The following ZBTB20 variants were observed in gnomAD, a reference collection of about 807,000 sequenced individuals.
ZBTB20 encodes zinc finger and BTB domain containing 20.
In ZBTB20, 9 loss-of-function variants were observed where a neutral mutation model predicts 56.9. The ratio of observed to expected loss-of-function variants is 0.16; its 90% confidence interval spans 0.10 to 0.28. The LOEUF (loss-of-function observed/expected upper bound fraction) is 0.28, where lower values mean the gene tolerates loss of function less well. ZBTB20 is among the 10% of genes least tolerant of loss of function. The pLI is 1.00. For missense variants in ZBTB20, 655 were observed against 1,003.0 expected, an observed-to-expected ratio of 0.65 and a Z score of 4.69; for synonymous variants, 417 against 420.7, an observed-to-expected ratio of 0.99 and a Z score of 0.11.
At chr3:114,853,086 T>G (rs545420684) in intron 4 of ZBTB20, among the ~76,000 whole-genome samples, 1 of 152,334 alleles carries the variant, frequency 6.6e-6, no homozygotes, top group East Asian at 1.9e-4. Context: ...CAAAGGCTGG[T>G]GTGGTTTATC....
At chr3:114,659,658 T>C (rs1488577142) in intron 6 of ZBTB20, among the ~76,000 whole-genome samples, 2 of 152,212 alleles carry the variant, frequency 1.3e-5, no homozygotes. Flanking sequence ...CCCTGCATGC[T>C]GTTCAGGGGA....
intron 8 of ZBTB20, chr3:114,388,727 G>A (rs939630883): frequency 6.6e-6 from 1 of 152,382 alleles, no homozygotes; most frequent in Non-Finnish European, 1.5e-5. Context: ...TAGAGGCACA[G>A]ATGACCAAGC....
intron 2 of ZBTB20, among the ~76,000 whole-genome samples, chr3:115,019,202 C>A (rs2080103583): frequency 6.6e-6 from 1 of 151,240 alleles, no homozygotes. Flanking sequence ...CAGTTTAAAT[C>A]TGCCCTTCAT....
At chr3:114,341,772 G>C (rs2079788412) in intron 11 of ZBTB20, among the ~76,000 whole-genome samples, 2 of 152,164 alleles carry the variant, frequency 1.3e-5, no homozygotes, top group Non-Finnish European at 2.9e-5. Context: ...TTCATTTTCT[G>C]TATGTGAAGA....
intron 6 of ZBTB20, among the ~76,000 whole-genome samples, chr3:114,678,950 G>GT (rs1195593598): frequency 6.6e-6 from 1 of 152,118 alleles, no homozygotes; most frequent in African/African-American, 2.4e-5. Flanking sequence ...GATTATAATT[G>GT]TAACTGCCAT....
chr3:114,613,396 A>AT (rs1247225199), intron 6 of ZBTB20, among the ~76,000 whole-genome samples: 3 of 152,242 alleles, frequency 2.0e-5, no homozygotes, highest in South Asian at 4.2e-4. Flanking sequence ...TTGACCTTAC[A>AT]TTTTTTTATT....
chr3:114,480,309 T>C (rs1353749704), intron 7 of ZBTB20, among the ~76,000 whole-genome samples: 4 of 152,228 alleles, frequency 2.6e-5, no homozygotes, highest in East Asian at 1.9e-4. Flanking sequence ...GATGCTTTTT[T>C]TGAATTTGGA....
At chr3:114,699,447 T>C (rs906035876) in intron 5 of ZBTB20, among the ~76,000 whole-genome samples, 1 of 151,966 alleles carries the variant, frequency 6.6e-6, no homozygotes, top group Non-Finnish European at 1.5e-5. Context: ...AACAGTTTTT[T>C]TTTGGAAAAA....
At chr3:114,372,667 TACAA>T (rs1344719361) in intron 10 of ZBTB20, among the ~76,000 whole-genome samples, 5 of 151,256 alleles carry the variant, frequency 3.3e-5, no homozygotes, top group Non-Finnish European at 7.4e-5. Context: ...ACCTCTAAAA[TACAA>T]ACAAACAAAA....
intron 3 of ZBTB20, among the ~76,000 whole-genome samples, chr3:114,960,983 G>C (rs1432691538): frequency 2.0e-5 from 3 of 152,090 alleles, no homozygotes; most frequent in Non-Finnish European, 4.4e-5. Flanking sequence ...AGGTCCCAGT[G>C]AGAGTTAATT....
intron 10 of ZBTB20, among the ~76,000 whole-genome samples, chr3:114,376,966 G>A (rs554677165): frequency 1.3e-5 from 2 of 152,326 alleles, no homozygotes; most frequent in Admixed American, 6.5e-5. Context: ...TTCTGGTCGC[G>A]TCTATCACAT....
chr3:114,983,369 T>C (rs771543404), intron 2 of ZBTB20, among the ~76,000 whole-genome samples: 5 of 151,982 alleles, frequency 3.3e-5, no homozygotes, highest in South Asian at 4.1e-4. Flanking sequence ...TAATTTTAAC[T>C]CGAGAAATGC....
intron 5 of ZBTB20, among the ~76,000 whole-genome samples, chr3:114,704,816 GA>G (rs2108397975): frequency 6.6e-6 from 1 of 152,238 alleles, no homozygotes; most frequent in African/African-American, 2.4e-5. Flanking sequence ...CTGCCTGCTA[GA>G]CAAATGCTCT....
At chr3:115,028,534 T>C (rs2080523515) in intron 2 of ZBTB20, among the ~76,000 whole-genome samples, 1 of 150,632 alleles carries the variant, frequency 6.6e-6, no homozygotes, top group South Asian at 2.1e-4. Context: ...CAAGAAAATT[T>C]TAAATTGCAT....
chr3:114,345,657 A>C (rs747851726), intron 11 of ZBTB20, among the ~76,000 whole-genome samples: 2 of 152,050 alleles, frequency 1.3e-5, no homozygotes, highest in Non-Finnish European at 2.9e-5. Context: ...CTTGTTACAC[A>C]GATTTCTAGG....
chr3:114,551,814 A>G (rs192969152), intron 6 of ZBTB20, among the ~76,000 whole-genome samples: 9 of 152,334 alleles, frequency 5.9e-5, no homozygotes, highest in African/African-American at 1.9e-4. Context: ...TCCCAATTGT[A>G]CCCCAGATGT....
intron 5 of ZBTB20, among the ~76,000 whole-genome samples, chr3:114,714,969 G>A (rs2064361771): frequency 6.6e-6 from 1 of 152,176 alleles, no homozygotes; most frequent in African/African-American, 2.4e-5. Context: ...GGCCATTAAT[G>A]TGTGTAGGTT....
intron 4 of ZBTB20, among the ~76,000 whole-genome samples, chr3:114,887,860 T>A (rs1353698605): frequency 6.6e-6 from 1 of 152,092 alleles, no homozygotes; most frequent in African/African-American, 2.4e-5. Flanking sequence ...AATAGTGATC[T>A]CAAAGCCCCC....
At chr3:114,820,580 ATTT>A (rs2073183129) in intron 4 of ZBTB20, among the ~76,000 whole-genome samples, 12 of 152,080 alleles carry the variant, frequency 7.9e-5, no homozygotes, top group Admixed American at 7.9e-4. Context: ...AAAAAAAGTT[ATTT>A]TAAGCCTAAA....
Sources: gnomAD v4.1 joint callset for allele counts (sites outside exome capture counted in the v4.1 genomes callset) on GRCh38, gnomAD v4.1.1 for gene constraint, MANE v1.5 for transcripts, NCBI Gene and HGNC (gene_info 2026-07-23, HGNC 2026-07-21) for gene names.